Variants in RBX1 observed in about 807,000 individuals in gnomAD.
RBX1 encodes the protein ring-box 1.
For missense variants in RBX1, 46 were observed against 141.4 expected (o/e 0.33, Z 3.42); for synonymous variants, 48 against 47.9 (o/e 1.00, Z -0.01).
intron 4 of RBX1, among the ~76,000 whole-genome samples, chr22:40,971,549 A>G (rs142942126): frequency 6.6e-6 from 1 of 151,986 alleles, no homozygotes; most frequent in East Asian, 1.9e-4. Context: ...GGCTTTATTT[A>G]TTTTTATTTA....
intron 4 of RBX1, 132 bp from the exon 5 acceptor site, chr22:40,972,344 C>T (rs1409522384): frequency 1.2e-5 from 8 of 642,038 alleles, no homozygotes; most frequent in Admixed American, 5.3e-5. Context: ...GTGTCAGTGT[C>T]GTCACCTAAT....
At chr22:40,968,474 T>C (rs1050171688) in intron 4 of RBX1, among the ~76,000 whole-genome samples, 5 of 152,196 alleles carry the variant, frequency 3.3e-5, no homozygotes, top group African/African-American at 1.2e-4. Flanking sequence ...TACATCCTAA[T>C]GAGGCTCCAT....
At chr22:40,961,147 G>A (rs1486858104) in intron 2 of RBX1, among the ~76,000 whole-genome samples, 1 of 146,056 alleles carries the variant, frequency 6.8e-6, no homozygotes, top group Non-Finnish European at 1.5e-5. Flanking sequence ...GAGTGCAGTG[G>A]TACGATCATG....
chr22:40,965,251 C>T (rs973253103), intron 3 of RBX1, among the ~76,000 whole-genome samples: 14 of 150,776 alleles, frequency 9.3e-5, no homozygotes, highest in Non-Finnish European at 2.1e-4. Context: ...TGTAGTGAGC[C>T]GAGACCACAC....
At chr22:40,960,530 G>T (rs1157651565) in intron 2 of RBX1, among the ~76,000 whole-genome samples, 1 of 152,096 alleles carries the variant, frequency 6.6e-6, no homozygotes. Context: ...ACAGTCAAAA[G>T]AAAGACCCAG....
intron 1 of RBX1, among the ~76,000 whole-genome samples, chr22:40,952,807 C>A (rs542155498): frequency 6.6e-6 from 1 of 152,102 alleles, no homozygotes; most frequent in South Asian, 2.1e-4. Flanking sequence ...ATTTAATTAT[C>A]CAGCTTATCC....
At chr22:40,959,149 CTTGA>C (rs2058333213) in intron 2 of RBX1, among the ~76,000 whole-genome samples, 1 of 152,176 alleles carries the variant, frequency 6.6e-6, no homozygotes, top group South Asian at 2.1e-4. Context: ...TCTGTCTACT[CTTGA>C]GATGAAGCCA....
In RBX1 at chr22:40,951,450, G is replaced by A; in HGVS notation, c.52G>A (p.Gly18Ser). 1.2e-6 allele frequency: 2 copies of A among 1,613,704 alleles called. No individual in the cohort carries two copies. The highest frequency in any genetic ancestry group is 1.7e-6 in the Non-Finnish European group (2 of 1,179,866). ...CCCGAGCGGCACCAACAGCGGCGCG[G>A]GCAAGAAGCGCTTTGAAGTGAAAAA... is the stretch of plus-strand genomic sequence containing the variant. The part of the protein sequence containing the change: ...DTPSGTNSGA[G>S]KKRFEVKKWN... The change falls in exon 1 of 5, where the codon GGC (glycine) becomes AGC (serine). Residue 18 changes from glycine to serine, a missense_variant. By Grantham distance (56) the Gly-to-Ser change is moderately conservative. Transcript: ENST00000216225.
chr22:40,952,433 A>C (rs1352438937), intron 1 of RBX1, among the ~76,000 whole-genome samples: 2 of 152,294 alleles, frequency 1.3e-5, no homozygotes, highest in East Asian at 3.9e-4. Flanking sequence ...TTGGTGTCTC[A>C]TTGTGGCCAC....
chr22:40,972,039 T>C (rs951204998), intron 4 of RBX1, among the ~76,000 whole-genome samples: 2 of 152,184 alleles, frequency 1.3e-5, no homozygotes, highest in African/African-American at 4.8e-5. Context: ...CATTATTAGC[T>C]TTACCCTAAA....
At chr22:40,954,525 G>A (rs573517904) in intron 2 of RBX1, among the ~76,000 whole-genome samples, 1 of 152,280 alleles carries the variant, frequency 6.6e-6, no homozygotes, top group East Asian at 1.9e-4. Flanking sequence ...CCTTACAGTA[G>A]AAGGGACAAG....
intron 2 of RBX1, 87 bp from the exon 3 acceptor site, chr22:40,963,960 T>A (rs2058347557): frequency 1.0e-6 from 1 of 952,386 alleles, no homozygotes; most frequent in Admixed American, 1.8e-5. Context: ...TATGGCTAAT[T>A]AACCACTTGA....
At chr22:40,959,330 G>A (rs75270024) in intron 2 of RBX1, among the ~76,000 whole-genome samples, 4,961 of 152,252 alleles carry the variant, frequency 0.033, 116 homozygotes, top group Non-Finnish European at 0.054. Flanking sequence ...GTTCCTGCCC[G>A]TTTAAACTAA....
At chr22:40,962,495 CTT>C (rs767224631) in intron 2 of RBX1, among the ~76,000 whole-genome samples, 6 of 132,582 alleles carry the variant, frequency 4.5e-5, no homozygotes, top group Admixed American at 7.7e-5. Context: ...AATAGTTTTA[CTT>C]TTTTTTTTTT....
intron 2 of RBX1, among the ~76,000 whole-genome samples, chr22:40,955,584 C>T (rs1047249581): frequency 5.3e-5 from 8 of 152,102 alleles, no homozygotes; most frequent in African/African-American, 1.4e-4. Context: ...TTTACACTTA[C>T]AGCACATCTG....
At chr22:40,959,422 T>G (rs2058333984) in intron 2 of RBX1, among the ~76,000 whole-genome samples, 1 of 152,248 alleles carries the variant, frequency 6.6e-6, no homozygotes, top group African/African-American at 2.4e-5. Flanking sequence ...TAATATTTAA[T>G]CATTTTCCCT....
chr22:40,956,459 C>T (rs1394850781), intron 2 of RBX1, among the ~76,000 whole-genome samples: 2 of 149,294 alleles, frequency 1.3e-5, no homozygotes, highest in Non-Finnish European at 3.0e-5. Context: ...AAGTGATTCT[C>T]CTGCGTCAGC....
At chr22:40,964,018 C>T in intron 2 of RBX1, 29 bp from the exon 3 acceptor site, 1 of 1,587,954 alleles carries the variant, frequency 6.3e-7, no homozygotes, top group Non-Finnish European at 8.6e-7. Context: ...TCCCAAGGTC[C>T]AGTGATCCTG....
intron 2 of RBX1, 122 bp downstream of exon 2, chr22:40,953,755 TC>T: frequency 4.4e-6 from 3 of 684,032 alleles, no homozygotes; most frequent in Non-Finnish European, 8.2e-6. Flanking sequence ...CACTCGGTCT[TC>T]TGTATCTAGT....
Sources: allele counts gnomAD v4.1 joint callset (sites outside exome capture counted in the v4.1 genomes callset), GRCh38; gene constraint gnomAD v4.1.1; transcripts MANE v1.5; gene names NCBI Gene and HGNC (gene_info 2026-07-23, HGNC 2026-07-21).